Variants in GRIP1 observed in about 807,000 individuals in gnomAD.
GRIP1 encodes the protein glutamate receptor-interacting protein 1.
GRIP1 carries 45 observed loss-of-function variants against 129.9 expected under a neutral mutation model. That is an observed-to-expected ratio of 0.35 (90% confidence interval 0.27 to 0.44). GRIP1 has a LOEUF of 0.44. Ranked by LOEUF, GRIP1 falls within the 20% of genes least tolerant of loss-of-function variation. The probability of loss-of-function intolerance (pLI) is 1.00; values close to 1 mark genes in which losing one functional copy is unlikely to be tolerated. For synonymous variants in GRIP1, 530 were observed against 520.8 expected (o/e 1.02, Z -0.24); for missense variants, 1,196 against 1,396.8 (o/e 0.86, Z 2.29).
In GRIP1 at chr12:66,869,403, C is replaced by T. The variant is rs76865927; in HGVS notation, c.58+199647G>A. Among the ~76,000 whole-genome samples, 4 of 152,020 alleles carry T rather than the reference C, an allele frequency of 2.6e-5. No homozygotes were observed. In the East Asian group the frequency reaches 7.7e-4, roughly 29 times the overall value. ...GTGAATTGCATGGTGATTGGTGAAA[C>T]GTTTGATCAAGGGAAGGAAATCAGT... On this transcript the variant is annotated intron_variant, in intron 1 of 1. Coordinates refer to the GRIP1 transcript ENST00000643019.
At chr12:66,649,168 A>G (rs1435466803) in intron 1 of GRIP1, among the ~76,000 whole-genome samples, 1 of 152,188 alleles carries the variant, frequency 6.6e-6, no homozygotes, top group Admixed American at 6.5e-5. Context: ...TATTTTCCCT[A>G]GCAATTTCAT....
At chr12:66,987,201 C>T (rs922491430) in intron 1 of GRIP1, among the ~76,000 whole-genome samples, 2 of 152,142 alleles carry the variant, frequency 1.3e-5, no homozygotes, top group South Asian at 4.1e-4. Flanking sequence ...TTGTCTCCTG[C>T]TACCAGAATG....
At chr12:66,659,097 C>G (rs1229703935) in intron 1 of GRIP1, among the ~76,000 whole-genome samples, 3 of 152,168 alleles carry the variant, frequency 2.0e-5, no homozygotes, top group Non-Finnish European at 2.9e-5. Context: ...TGTACTTGCT[C>G]TTCTCTCTGT....
At chr12:66,882,124 G>C (rs2040488730) in intron 1 of GRIP1, among the ~76,000 whole-genome samples, 2 of 150,752 alleles carry the variant, frequency 1.3e-5, no homozygotes, top group South Asian at 4.2e-4. Flanking sequence ...GCAACCACTT[G>C]GTTCCTCTGT....
intron 1 of GRIP1, among the ~76,000 whole-genome samples, chr12:66,907,378 C>T (rs2040951094): frequency 6.6e-6 from 1 of 152,070 alleles, no homozygotes; most frequent in Admixed American, 6.6e-5. Context: ...TTGAACAAGA[C>T]ATAAATGGCC....
chr12:66,552,330 G>A (rs1039965371), intron 2 of GRIP1, among the ~76,000 whole-genome samples: 1 of 152,142 alleles, frequency 6.6e-6, no homozygotes, highest in Non-Finnish European at 1.5e-5. Context: ...TCTAACATGA[G>A]CTAGGAACCT....
At chr12:66,388,438 C>T (rs977490091) in intron 19 of GRIP1, among the ~76,000 whole-genome samples, 4 of 152,160 alleles carry the variant, frequency 2.6e-5, no homozygotes, top group Non-Finnish European at 5.9e-5. Context: ...ATTCAGCCCG[C>T]GAGCATGGCA....
At chr12:66,722,949 T>C (rs2036104857) in intron 1 of GRIP1, among the ~76,000 whole-genome samples, 1 of 152,032 alleles carries the variant, frequency 6.6e-6, no homozygotes, top group South Asian at 2.1e-4. Flanking sequence ...TTATTTTTGA[T>C]ATTTCATAAT....
chr12:66,826,362 T>C (rs754845975), intron 1 of GRIP1, among the ~76,000 whole-genome samples: 4 of 152,082 alleles, frequency 2.6e-5, no homozygotes, highest in Non-Finnish European at 4.4e-5. Context: ...GATGACGGGT[T>C]GATGGGTGCA....
At chr12:66,678,308 C>G (rs1300868628) in intron 1 of GRIP1, among the ~76,000 whole-genome samples, 2 of 151,974 alleles carry the variant, frequency 1.3e-5, no homozygotes, top group African/African-American at 4.8e-5. Flanking sequence ...TACATAGGAC[C>G]AAAGCATTTG....
At chr12:66,420,818 T>A in intron 14 of GRIP1, 29 bp from the exon 15 acceptor site, 1 of 1,206,492 alleles carries the variant, frequency 8.3e-7, no homozygotes, top group Non-Finnish European at 1.2e-6. Context: ...AATAATCACA[T>A]CTTTATATCC....
At chr12:66,795,554 A>C (rs942006227) in intron 1 of GRIP1, among the ~76,000 whole-genome samples, 5 of 152,206 alleles carry the variant, frequency 3.3e-5, no homozygotes, top group African/African-American at 4.8e-5. Context: ...CTTACATTAA[A>C]TTTATTTTTA....
At chr12:66,607,898 CACTTTTTTATAG>C (rs1384351006) in intron 1 of GRIP1, among the ~76,000 whole-genome samples, 2 of 152,180 alleles carry the variant, frequency 1.3e-5, no homozygotes, top group Non-Finnish European at 1.5e-5. Flanking sequence ...TCTCAGAACT[CACTTTTTTATAG>C]ACTTTAGTTT....
chr12:66,978,075 G>A (rs7133979), intron 1 of GRIP1, among the ~76,000 whole-genome samples: 85,129 of 151,416 alleles, frequency 0.56, 24,673 homozygotes, highest in Non-Finnish European at 0.62. Flanking sequence ...TCCCACCTTG[G>A]CCTTCCAAAG....
chr12:67,054,576 C>T (rs766312933), intron 1 of GRIP1, among the ~76,000 whole-genome samples: 3 of 151,950 alleles, frequency 2.0e-5, no homozygotes, highest in Non-Finnish European at 2.9e-5. Flanking sequence ...CTAGCCTGGC[C>T]AAAATGGCAA....
chr12:66,420,978 T>G (rs917090746), intron 14 of GRIP1, among the ~76,000 whole-genome samples, 189 bp from the exon 15 acceptor site: 1 of 152,214 alleles, frequency 6.6e-6, no homozygotes, highest in African/African-American at 2.4e-5. Flanking sequence ...TTTACAAACA[T>G]AAAAACTAAA....
chr12:66,917,669 T>G (rs1034553952), intron 1 of GRIP1, among the ~76,000 whole-genome samples: 1 of 152,220 alleles, frequency 6.6e-6, no homozygotes, highest in African/African-American at 2.4e-5. Flanking sequence ...TTTACTGCAT[T>G]AATTTCAATC....
chr12:66,608,868 T>A lies in GRIP1; in HGVS notation c.56-11941A>T, dbSNP rs1043289244. Among the ~76,000 whole-genome samples the A allele has an allele frequency of 2.0e-5, 3 of 151,964 alleles. No homozygotes were observed. In the South Asian group the frequency reaches 6.2e-4, roughly 32 times the overall value. On this transcript the variant is annotated intron_variant, in intron 1 of 24. Coordinates refer to ENST00000359742, the MANE Select transcript of GRIP1 (RefSeq NM_001366722.1). ...GAAGTGGTGGCTCTATTCCTTTATC[T>A]GGAATAGATGAGGAAGCTGAGTGAT...
intron 1 of GRIP1, among the ~76,000 whole-genome samples, chr12:66,640,879 A>G (rs996387905): frequency 6.6e-6 from 1 of 152,216 alleles, no homozygotes; most frequent in Non-Finnish European, 1.5e-5. Flanking sequence ...CATGTCTGGA[A>G]GTAGTTCATA....
Sources: allele counts gnomAD v4.1 joint callset (sites outside exome capture counted in the v4.1 genomes callset), GRCh38; gene constraint gnomAD v4.1.1; transcripts MANE v1.5; gene names NCBI Gene and HGNC (gene_info 2026-07-23, HGNC 2026-07-21).